Variants in MTOR observed in about 807,000 individuals in gnomAD.
The protein encoded by MTOR is mechanistic target of rapamycin kinase, also known as serine/threonine-protein kinase mTOR.
A neutral mutation model predicts 319.8 loss-of-function variants in MTOR; 70 were observed. That is an observed-to-expected ratio of 0.22 (90% CI 0.18 to 0.27). The LOEUF is 0.27. Among genes scored for constraint, MTOR ranks in the 10% least tolerant of loss-of-function variants. The probability of loss-of-function intolerance (pLI) is 1.00; values close to 1 mark genes in which losing one functional copy is unlikely to be tolerated. For missense variants in MTOR, 1,890 were observed against 3,274.4 expected, an observed-to-expected ratio of 0.58 and a Z score of 10.32; for synonymous variants, 1,183 against 1,211.4, an observed-to-expected ratio of 0.98 and a Z score of 0.49.
intron 6 of MTOR, among the ~76,000 whole-genome samples, chr1:11,250,020 C>T (rs1409307525): frequency 1.4e-5 from 2 of 144,266 alleles, no homozygotes; most frequent in African/African-American, 2.6e-5. Flanking sequence ...CCTCACCTCC[C>T]GGACGGGGTG....
chr1:11,193,883 C>CATT, intron 28 of MTOR: 1 of 1,130,374 alleles, frequency 8.8e-7, no homozygotes, highest in South Asian at 1.5e-5. Flanking sequence ...TCTGTATATT[C>CATT]ATTGTGATGG....
In MTOR at chr1:11,199,520, G is replaced by A. The variant is rs750346583; in HGVS notation, c.4107+21C>T. On this transcript the variant is annotated intron_variant, in intron 27 of 57. Transcript: ENST00000361445. This position sits in a 1 kb window ranked among gnomAD's most constrained non-coding sequence, Gnocchi z 4.5. ...CTGGTTCCCTGTCAGCCTCCATCTG[G>A]ACAATGGGGAAAAGTCTCACCTTGT... 1 of 1,614,108 alleles carries A rather than the reference G, an allele frequency of 6.2e-7. No homozygotes were observed. Among genetic ancestry groups the A allele is most frequent in the South Asian group, 1.1e-5 (1 of 91,076 alleles).
At position 11,133,165 on chromosome 1, in the gene MTOR, T is replaced by C. The variant is rs562084232; in HGVS notation, c.5279A>G (p.Asn1760Ser). Reference protein sequence around the residue: ...CFLKLGEWQLNLQGINESTIP... With the variant: ...CFLKLGEWQLSLQGINESTIP... ...TGTGCTCTCATTGATGCCCTGTAGA[T>C]TCAGCTGCCACTCTCCAAGTTTCAG... The change falls in exon 38 of 58, where the codon AAT (asparagine) becomes AGT (serine). Residue 1760 changes from asparagine (N) to serine (S), a missense_variant. By Grantham distance (46) the Asn-to-Ser change is conservative. Around this residue, in one of 15 missense-constraint regions of MTOR, gnomAD observed 276 missense variants for 459.4 expected, o/e 0.60. Transcript: ENST00000361445. The surrounding 1 kb of genome is among the most constrained non-coding windows in gnomAD (Gnocchi z 4.0). The C allele has an allele frequency of 3.1e-6, 5 of 1,614,152 alleles. No individual in the cohort carries two copies. The highest frequency in any genetic ancestry group is 2.2e-5 in the South Asian group (2 of 91,080).
chr1:11,164,421 C>T (rs184682998), intron 29 of MTOR, among the ~76,000 whole-genome samples: 24 of 151,252 alleles, frequency 1.6e-4, no homozygotes, highest in Middle Eastern at 3.4e-3. Context: ...ATATCACCAC[C>T]GATCCCACAG....
At chr1:11,252,454 A>G (rs535384764) in intron 6 of MTOR, among the ~76,000 whole-genome samples, 46 of 152,258 alleles carry the variant, frequency 3.0e-4, no homozygotes, top group Non-Finnish European at 4.3e-4. Context: ...TTTGTGAACC[A>G]TGACTAGTTG....
chr1:11,145,316 A>ATGTG, intron 32 of MTOR: 1 of 462,540 alleles, frequency 2.2e-6, no homozygotes, highest in Non-Finnish European at 3.9e-6. Flanking sequence ...GGGCATGGGA[A>ATGTG]TGTGGGCTGT....
intron 28 of MTOR, among the ~76,000 whole-genome samples, chr1:11,175,874 G>A (rs971605736): frequency 1.3e-5 from 2 of 152,146 alleles, no homozygotes; most frequent in East Asian, 1.9e-4. Flanking sequence ...CTCTCCAGTA[G>A]CTGGGATTAC....
chr1:11,228,541 T>A, intron 19 of MTOR, 127 bp downstream of exon 19: 1 of 1,284,286 alleles, frequency 7.8e-7, no homozygotes, highest in Non-Finnish European at 1.1e-6. Context: ...ATGTTGGGAG[T>A]TAAGGGGGAG....
Position 11,244,358 on chromosome 1 carries a change from C to G in MTOR, c.1226-1058G>C, listed in dbSNP as rs12744973. Among the ~76,000 whole-genome samples, 511 of 148,658 alleles carry G rather than the reference C, an allele frequency of 3.4e-3. 3 individuals are homozygous for G. Among genetic ancestry groups the G allele is most frequent in the Non-Finnish European group, 5.3e-3 (356 of 67,448 alleles). On this transcript the variant is annotated intron_variant, in intron 8 of 57. Coordinates refer to ENST00000361445, the MANE Select transcript of MTOR (RefSeq NM_004958.4). Reference sequence around the variant, plus strand: ...AATAAAAAACCAGTACAGGGTCGGGCGCGGTGGCTCACGCCTGTAATCCCA... The same window carrying G: ...AATAAAAAACCAGTACAGGGTCGGGGGCGGTGGCTCACGCCTGTAATCCCA...
At chr1:11,195,137 A>C in intron 28 of MTOR, 1 of 1,139,126 alleles carries the variant, frequency 8.8e-7, no homozygotes, top group Non-Finnish European at 1.2e-6. Context: ...AACAGCCTAT[A>C]ATCTCCAAAG....
chr1:11,114,496 C>G (rs746776982), intron 52 of MTOR, 43 bp from the exon 53 acceptor site: 3 of 1,610,828 alleles, frequency 1.9e-6, no homozygotes, highest in Non-Finnish European at 2.5e-6. Context: ...GTTACTAACT[C>G]TCCACCCAAA....
chr1:11,137,223 A>C (rs1219111256), intron 36 of MTOR, among the ~76,000 whole-genome samples: 1 of 151,742 alleles, frequency 6.6e-6, no homozygotes, highest in East Asian at 1.9e-4. Context: ...AAAGGTGATA[A>C]CTCAGTGTGA....
rs1642513195 is a variant in MTOR at position 11,121,327 on chromosome 1, C to G, written c.6852G>C (p.Val2284=). 6.2e-7 allele frequency: 1 copy of G among 1,614,068 alleles called. No homozygotes were observed. Among genetic ancestry groups the G allele is most frequent in the Non-Finnish European group, 8.5e-7 (1 of 1,180,056 alleles). Residue 2284 remains valine (V), a synonymous_variant, in exon 49 of 58, where the codon GTG becomes GTC. Coordinates refer to ENST00000361445, the MANE Select transcript of MTOR (RefSeq NM_004958.4). This position sits in a 1 kb window ranked among gnomAD's most constrained non-coding sequence, Gnocchi z 4.9. ...TATTGACGGCATGCTCAAACACCTC[C>G]ACCTTCTGCATCAGAGTCAAGTGGT... The part of the protein sequence containing the change: ...DYDHLTLMQK[V]EVFEHAVNNT...
intron 19 of MTOR, 53 bp downstream of exon 19, chr1:11,228,615 G>A (rs2100853446): frequency 6.3e-7 from 1 of 1,592,692 alleles, no homozygotes; most frequent in Non-Finnish European, 8.6e-7. Flanking sequence ...AGATGGATCT[G>A]TGCATGTGTG....
At chr1:11,168,494 A>G (rs1437021298) in intron 28 of MTOR, among the ~76,000 whole-genome samples, 1 of 152,216 alleles carries the variant, frequency 6.6e-6, no homozygotes, top group Non-Finnish European at 1.5e-5. Flanking sequence ...AGCTGTGGCA[A>G]TGCAGCCCTG....
Position 11,231,554 on chromosome 1 carries a change from C to T in MTOR, c.2515-120G>A, listed in dbSNP as rs1569698319. The T allele has an allele frequency of 2.3e-5, 28 of 1,239,364 alleles. No individual in the cohort carries two copies. In the East Asian group the frequency reaches 6.4e-4, roughly 28 times the overall value. The allele number at this position is 1,239,364 out of a possible 1,614,324, so 76.8% of individuals were successfully genotyped here. A position where few individuals can be genotyped will look rare whatever the true frequency, so the allele number is the denominator to read the frequency against. On this transcript the variant is annotated intron_variant, in intron 16 of 57. Transcript: ENST00000361445. Reference sequence around the variant, plus strand: ...AGGCTGTAAGAAGAAAAGAGGTTTCCAGTAAAGACACTAACCATGAGCAGA... The same window carrying T: ...AGGCTGTAAGAAGAAAAGAGGTTTCTAGTAAAGACACTAACCATGAGCAGA...
At chr1:11,193,595 G>A (rs1273514625) in intron 28 of MTOR, 3 of 1,597,160 alleles carry the variant, frequency 1.9e-6, no homozygotes, top group South Asian at 1.1e-5. Flanking sequence ...CTGTGACATG[G>A]AGACTTCAGG....
intron 26 of MTOR, among the ~76,000 whole-genome samples, chr1:11,203,329 A>G (rs927509417): frequency 3.3e-5 from 5 of 152,244 alleles, no homozygotes; most frequent in African/African-American, 1.2e-4. Flanking sequence ...CATTATATGA[A>G]TGTATCGAAA....
intron 37 of MTOR, 90 bp downstream of exon 37, chr1:11,134,261 C>T: frequency 8.8e-7 from 1 of 1,139,980 alleles, no homozygotes; most frequent in Non-Finnish European, 1.3e-6. Flanking sequence ...CAATCAGCCA[C>T]CCAAGAAGCC....
Sources: gnomAD v4.1 joint callset for allele counts (sites outside exome capture counted in the v4.1 genomes callset) on GRCh38, gnomAD v4.1.1 for gene constraint, gnomAD v4.1.1 regional missense constraint, Gnocchi (gnomAD v3.1) non-coding constraint, MANE v1.5 for transcripts, NCBI Gene and HGNC (gene_info 2026-07-23, HGNC 2026-07-21) for gene names.